MAP3K5: variants seen among roughly 807,000 people sequenced by gnomAD.
The protein encoded by MAP3K5 is ASK-1.
A neutral mutation model predicts 158.7 loss-of-function variants in MAP3K5; 56 were observed. The observed-to-expected ratio is 0.35, with a 90% confidence interval of 0.28 to 0.44. The LOEUF (loss-of-function observed/expected upper bound fraction) is 0.44, where lower values mean the gene tolerates loss of function less well. MAP3K5 is among the 20% of genes least tolerant of loss of function. The pLI is 1.00. For missense variants in MAP3K5, 1,294 were observed against 1,674.8 expected (o/e 0.77, Z 3.97); for synonymous variants, 579 against 601.7 (o/e 0.96, Z 0.55).
chr6:136,672,242 AT>A (rs1467737097), intron 7 of MAP3K5, among the ~76,000 whole-genome samples: 1 of 152,172 alleles, frequency 6.6e-6, no homozygotes, highest in African/African-American at 2.4e-5. Flanking sequence ...TTAGGGGGAA[AT>A]AAGAATACAT....
At chr6:136,654,873 GT>G (rs999637591) in intron 10 of MAP3K5, among the ~76,000 whole-genome samples, 40 of 150,456 alleles carry the variant, frequency 2.7e-4, no homozygotes, top group Non-Finnish European at 2.7e-4. Flanking sequence ...TGTTCATGGT[GT>G]TTTTTTTTAA....
At chr6:136,768,855 G>A (rs1291449483) in intron 1 of MAP3K5, among the ~76,000 whole-genome samples, 1 of 151,912 alleles carries the variant, frequency 6.6e-6, no homozygotes, top group Non-Finnish European at 1.5e-5. Flanking sequence ...GGAGGTTGCA[G>A]TGAGCCAAGA....
At chr6:136,650,036 C>T (rs566346396) in intron 11 of MAP3K5, among the ~76,000 whole-genome samples, 125 of 152,326 alleles carry the variant, frequency 8.2e-4, no homozygotes, top group African/African-American at 2.9e-3. Context: ...ATTGAATATA[C>T]CTATACATTT....
chr6:136,562,299 A>G (rs1830550002), intron 27 of MAP3K5, among the ~76,000 whole-genome samples: 1 of 152,228 alleles, frequency 6.6e-6, no homozygotes, highest in African/African-American at 2.4e-5. Context: ...ATGATTATGA[A>G]TAATCTATTT....
intron 11 of MAP3K5, among the ~76,000 whole-genome samples, chr6:136,644,666 T>C (rs1778159216): frequency 6.6e-6 from 1 of 152,192 alleles, no homozygotes; most frequent in African/African-American, 2.4e-5. Flanking sequence ...AAAATAAATT[T>C]TGCCCAGGTT....
chr6:136,657,365 C>T (rs982358827), intron 9 of MAP3K5, among the ~76,000 whole-genome samples: 4 of 152,132 alleles, frequency 2.6e-5, no homozygotes, highest in African/African-American at 7.2e-5. Flanking sequence ...AACCTTAAGG[C>T]ACTGTTTTGT....
At chr6:136,716,388 T>C (rs1297566110) in intron 2 of MAP3K5, among the ~76,000 whole-genome samples, 1 of 152,160 alleles carries the variant, frequency 6.6e-6, no homozygotes, top group Non-Finnish European at 1.5e-5. Context: ...CATCCTGTTG[T>C]TTTGCTTCCT....
intron 1 of MAP3K5, among the ~76,000 whole-genome samples, chr6:136,735,725 G>T (rs1272237515): frequency 6.6e-6 from 1 of 152,056 alleles, no homozygotes; most frequent in Non-Finnish European, 1.5e-5. Flanking sequence ...AGCTACTAAG[G>T]AGCTGAGGCA....
chr6:136,791,647 G>C, intron 1 of MAP3K5, 63 bp downstream of exon 1: 1 of 1,557,192 alleles, frequency 6.4e-7, no homozygotes, highest in Non-Finnish European at 8.8e-7. Context: ...GAAATGCCCC[G>C]AAGACCGCCA....
At chr6:136,665,094 T>C (rs1779170324) in intron 8 of MAP3K5, among the ~76,000 whole-genome samples, 1 of 152,212 alleles carries the variant, frequency 6.6e-6, no homozygotes, top group Non-Finnish European at 1.5e-5. Flanking sequence ...TTTGTTCCTT[T>C]GTGACTAACA....
At position 136,786,035 on chromosome 6, in the gene MAP3K5, G is replaced by A. The variant is rs1183164694; in HGVS notation, c.448+5675C>T. 3.3e-5 allele frequency among the ~76,000 whole-genome samples: 5 copies of A among 152,132 alleles called. No individual in the cohort carries two copies. In the East Asian group the frequency reaches 7.7e-4, roughly 23 times the overall value. On this transcript the variant is annotated intron_variant, in intron 1 of 29. Transcript: ENST00000359015. Reference sequence around the variant, plus strand: ...GAATATAACCTCTTCACGGTTCAGTGTTTTCATAAGCAAAACAAGAGAATA... The same window carrying A: ...GAATATAACCTCTTCACGGTTCAGTATTTTCATAAGCAAAACAAGAGAATA...
intron 19 of MAP3K5, 54 bp downstream of exon 19, chr6:136,605,155 C>A: frequency 1.3e-6 from 2 of 1,566,898 alleles, no homozygotes; most frequent in Non-Finnish European, 1.7e-6. Flanking sequence ...CACAGAACAT[C>A]CAACAGCTAT....
In MAP3K5 at chr6:136,734,805, A is replaced by T. The variant is rs142590523; in HGVS notation, c.449-14216T>A. The stretch of plus-strand genomic sequence containing the variant: ...CTTCAGTGAAGTTCCTCGGTCACAC[A>T]GAGTAGCCCTTTGTAACTGTAAGAT... On this transcript the variant is annotated intron_variant, in intron 1 of 29. Transcript: ENST00000359015. 1.5e-3 allele frequency among the ~76,000 whole-genome samples: 221 copies of T among 152,340 alleles called. 1 individual carries two copies. Among genetic ancestry groups the T allele is most frequent in the Admixed American group, 3.1e-3 (47 of 15,300 alleles).
At chr6:136,670,418 A>T (rs1472420246) in intron 7 of MAP3K5, among the ~76,000 whole-genome samples, 2 of 152,114 alleles carry the variant, frequency 1.3e-5, no homozygotes, top group African/African-American at 4.8e-5. Context: ...TTTTATTTTT[A>T]AAAAAATCAT....
chr6:136,776,055 C>G (rs916876265), intron 1 of MAP3K5, among the ~76,000 whole-genome samples: 1 of 152,156 alleles, frequency 6.6e-6, no homozygotes, highest in Non-Finnish European at 1.5e-5. Flanking sequence ...TTCTATGAAG[C>G]TTGGAAATTG....
intron 11 of MAP3K5, among the ~76,000 whole-genome samples, chr6:136,648,580 A>C (rs972414433): frequency 3.3e-5 from 5 of 152,238 alleles, no homozygotes; most frequent in Admixed American, 3.3e-4. Context: ...TAAAATACTA[A>C]GTTACAAGAC....
At chr6:136,580,544 CA>C in intron 24 of MAP3K5, 138 bp from the exon 25 acceptor site, 1 of 530,858 alleles carries the variant, frequency 1.9e-6, no homozygotes, top group Non-Finnish European at 3.4e-6. Context: ...TTCTTTATGT[CA>C]TTGGAAAACA....
At chr6:136,789,066 G>A (rs528530001) in intron 1 of MAP3K5, among the ~76,000 whole-genome samples, 68 of 152,302 alleles carry the variant, frequency 4.5e-4, no homozygotes, top group Non-Finnish European at 2.2e-4. Context: ...GGGAGGCCAA[G>A]GCAGGAGGAC....
chr6:136,755,062 A>T (rs922226853), intron 1 of MAP3K5, among the ~76,000 whole-genome samples: 2 of 151,998 alleles, frequency 1.3e-5, no homozygotes, highest in African/African-American at 4.8e-5. Flanking sequence ...TAACGCATGC[A>T]ACTCCACTCC....
Sources: gnomAD v4.1 joint callset for allele counts (sites outside exome capture counted in the v4.1 genomes callset) on GRCh38, gnomAD v4.1.1 for gene constraint, MANE v1.5 for transcripts, NCBI Gene and HGNC (gene_info 2026-07-23, HGNC 2026-07-21) for gene names.